RALYL: variants seen among roughly 807,000 people sequenced by gnomAD.
RALYL encodes RNA-binding Raly-like protein.
RALYL carries 29 observed loss-of-function variants against 35.1 expected under a neutral mutation model. That is an observed-to-expected ratio of 0.83 (90% CI 0.61 to 1.13). The LOEUF (loss-of-function observed/expected upper bound fraction) is 1.13, where lower values mean the gene tolerates loss of function less well. Among genes scored for constraint, RALYL ranks in the 50% most tolerant of loss-of-function variants. RALYL has a pLI of 0.00. For synonymous variants in RALYL, 120 were observed against 127.6 expected, an observed-to-expected ratio of 0.94 and a Z score of 0.40; for missense variants, 359 against 360.4, an observed-to-expected ratio of 1.00 and a Z score of 0.03.
At chr8:84,767,859 G>C (rs987370000) in intron 2 of RALYL, among the ~76,000 whole-genome samples, 7 of 152,214 alleles carry the variant, frequency 4.6e-5, no homozygotes, top group Non-Finnish European at 8.8e-5. Flanking sequence ...CTGGTATATA[G>C]GCATCTGTAA....
At chr8:84,729,761 C>A (rs540303085) in intron 2 of RALYL, among the ~76,000 whole-genome samples, 1 of 151,892 alleles carries the variant, frequency 6.6e-6, no homozygotes, top group Non-Finnish European at 1.5e-5. Context: ...AACACCTCTA[C>A]GCAAATAAAC....
intron 4 of RALYL, 142 bp downstream of exon 4, chr8:84,804,944 T>C (rs1586407966): frequency 2.6e-6 from 1 of 384,286 alleles, no homozygotes; most frequent in Non-Finnish European, 4.1e-6. Flanking sequence ...CTATGTTTTA[T>C]AAAGACTTAA....
At chr8:84,694,507 T>A (rs1228060588) in intron 2 of RALYL, among the ~76,000 whole-genome samples, 1 of 151,758 alleles carries the variant, frequency 6.6e-6, no homozygotes, top group Non-Finnish European at 1.5e-5. Context: ...ATTAAAAGAA[T>A]TAATATTTTT....
At chr8:84,715,146 C>T (rs147889727) in intron 2 of RALYL, among the ~76,000 whole-genome samples, 27 of 151,510 alleles carry the variant, frequency 1.8e-4, no homozygotes, top group African/African-American at 6.3e-4. Flanking sequence ...TTGTTTTCAT[C>T]CAAAGGGAAA....
chr8:84,487,648 G>A (rs1341754917), intron 1 of RALYL, among the ~76,000 whole-genome samples: 1 of 152,060 alleles, frequency 6.6e-6, no homozygotes, highest in Non-Finnish European at 1.5e-5. Context: ...TATTGTCTAT[G>A]CAGCTTTCGA....
chr8:84,770,233 A>G (rs1055706710), intron 2 of RALYL, among the ~76,000 whole-genome samples: 3 of 151,886 alleles, frequency 2.0e-5, no homozygotes, highest in African/African-American at 7.3e-5. Flanking sequence ...AGTCCATTGT[A>G]TCATTCTTAT....
intron 1 of RALYL, among the ~76,000 whole-genome samples, chr8:84,405,046 C>T (rs1330496849): frequency 6.6e-6 from 1 of 152,120 alleles, no homozygotes; most frequent in East Asian, 1.9e-4. Context: ...AATTAGAACT[C>T]AGGATTAAGA....
At chr8:84,732,246 A>C (rs912672953) in intron 2 of RALYL, among the ~76,000 whole-genome samples, 10 of 152,124 alleles carry the variant, frequency 6.6e-5, no homozygotes, top group Non-Finnish European at 1.5e-4. Flanking sequence ...GAGAATTTAC[A>C]TCCAACATAG....
chr8:84,657,829 A>G (rs1039354778), intron 2 of RALYL, among the ~76,000 whole-genome samples: 9 of 152,158 alleles, frequency 5.9e-5, no homozygotes, highest in African/African-American at 2.2e-4. Context: ...CACCAAGTCA[A>G]TCAGTGGGCT....
Position 84,887,784 on chromosome 8 carries a change from A to G in RALYL, c.858+8A>G, listed in dbSNP as rs764599652. The G allele has an allele frequency of 6.2e-7, 1 of 1,608,788 alleles. No homozygotes were observed. Among genetic ancestry groups the G allele is most frequent in the African/African-American group, 1.3e-5 (1 of 74,730 alleles). ...GATGGGGGTCATGAGCTGGTAGGAA[A>G]GAAACATTTGGTATTCACACCCTTT... On this transcript the variant is annotated splice_region_variant and intron_variant, in intron 8 of 8. Coordinates refer to ENST00000521268, the MANE Select transcript of RALYL (RefSeq NM_173848.7).
intron 2 of RALYL, among the ~76,000 whole-genome samples, chr8:84,751,999 C>T (rs1810158205): frequency 1.3e-5 from 2 of 152,138 alleles, no homozygotes; most frequent in East Asian, 1.9e-4. Context: ...AGGCAGAGGT[C>T]GGAACAGATT....
At chr8:84,586,188 C>T (rs1301600667) in intron 2 of RALYL, among the ~76,000 whole-genome samples, 9 of 146,850 alleles carry the variant, frequency 6.1e-5, no homozygotes, top group South Asian at 4.3e-4. Flanking sequence ...GAGTGAGATG[C>T]GTCTCAAAAA....
intron 2 of RALYL, among the ~76,000 whole-genome samples, chr8:84,570,702 C>A (rs1252222): frequency 0.21 from 31,475 of 151,776 alleles, 3,385 homozygotes; most frequent in Non-Finnish European, 0.23. Context: ...CTCCATTCAA[C>A]ATGATGCTGG....
chr8:84,419,455 C>T (rs1191888773), intron 1 of RALYL, among the ~76,000 whole-genome samples: 1 of 152,054 alleles, frequency 6.6e-6, no homozygotes, highest in Non-Finnish European at 1.5e-5. Flanking sequence ...ACCATTATCC[C>T]TAAAACTTGT....
chr8:84,785,847 G>A (rs1442633543), intron 3 of RALYL, among the ~76,000 whole-genome samples: 1 of 152,156 alleles, frequency 6.6e-6, no homozygotes, highest in Non-Finnish European at 1.5e-5. Flanking sequence ...TTTAAGTTCT[G>A]GGATACATGT....
chr8:84,373,892 T>C (rs942676316), intron 1 of RALYL, among the ~76,000 whole-genome samples: 9 of 151,924 alleles, frequency 5.9e-5, no homozygotes, highest in Non-Finnish European at 1.3e-4. Context: ...CTTCAAGCTG[T>C]GTTTTGTATT....
intron 1 of RALYL, among the ~76,000 whole-genome samples, chr8:84,260,188 T>A (rs990519965): frequency 1.3e-5 from 2 of 152,124 alleles, no homozygotes; most frequent in African/African-American, 2.4e-5. Context: ...CCCAGAAACA[T>A]GCAATTTACC....
intron 1 of RALYL, among the ~76,000 whole-genome samples, chr8:84,468,614 T>G (rs1397740289): frequency 6.8e-6 from 1 of 148,136 alleles, no homozygotes; most frequent in Non-Finnish European, 1.5e-5. Flanking sequence ...ATCTGACAAT[T>G]ATGTGTCTTG....
intron 1 of RALYL, among the ~76,000 whole-genome samples, chr8:84,231,586 G>A (rs1328701908): frequency 6.6e-6 from 1 of 152,082 alleles, no homozygotes; most frequent in Non-Finnish European, 1.5e-5. Context: ...GGGCTGGAGG[G>A]CCTTTTTAAA....
Sources: allele counts gnomAD v4.1 joint callset (sites outside exome capture counted in the v4.1 genomes callset), GRCh38; gene constraint gnomAD v4.1.1; transcripts MANE v1.5; gene names NCBI Gene and HGNC (gene_info 2026-07-23, HGNC 2026-07-21).